The following CCDC192 variants were observed in gnomAD, a reference collection of about 807,000 sequenced individuals.
The protein encoded by CCDC192 is coiled-coil domain containing 192.
chr5:127,884,255 A>G (rs1438791854), intron 6 of CCDC192, among the ~76,000 whole-genome samples: 1 of 146,882 alleles, frequency 6.8e-6, no homozygotes, highest in Non-Finnish European at 1.5e-5. Flanking sequence ...AGGCAGAAGA[A>G]TGGCGTGAAC....
chr5:127,720,988 G>C (rs890292495), intron 2 of CCDC192, among the ~76,000 whole-genome samples: 2 of 152,218 alleles, frequency 1.3e-5, no homozygotes, highest in Non-Finnish European at 2.9e-5. Flanking sequence ...GGCCTATGAT[G>C]GGAGGGACTG....
intron 2 of CCDC192, among the ~76,000 whole-genome samples, chr5:127,721,494 C>G (rs1752018550): frequency 6.6e-6 from 1 of 152,186 alleles, no homozygotes. Flanking sequence ...CACAACCATT[C>G]AAGAAGTCTC....
intron 6 of CCDC192, among the ~76,000 whole-genome samples, chr5:127,936,004 T>C (rs924832611): frequency 1.3e-5 from 2 of 152,078 alleles, no homozygotes; most frequent in African/African-American, 4.8e-5. Context: ...CTCAAGAGGC[T>C]GAGGCAGGAG....
intron 5 of CCDC192, among the ~76,000 whole-genome samples, chr5:127,848,722 A>C (rs1750670770): frequency 6.6e-6 from 1 of 152,250 alleles, no homozygotes. Flanking sequence ...TAAAGTGCTT[A>C]GAATAGTATC....
chr5:127,833,179 C>T lies in CCDC192; in HGVS notation c.411+35017C>T, dbSNP rs1749880987. Among the ~76,000 whole-genome samples the T allele has an allele frequency of 2.0e-5, 3 of 152,118 alleles. No individual in the cohort carries two copies. In the South Asian group the frequency reaches 6.2e-4, roughly 32 times the overall value. The stretch of plus-strand genomic sequence containing the variant: ...CGCAGTCCTGCCTTGTTCTTTTTCA[C>T]TAATGGGTTGATAATAGATAATCAG... On this transcript the variant is annotated intron_variant, in intron 5 of 6. Coordinates refer to ENST00000514853, the MANE Select transcript of CCDC192 (RefSeq NM_001317938.2).
chr5:127,758,202 A>G (rs1272116329), intron 3 of CCDC192, among the ~76,000 whole-genome samples: 1 of 152,206 alleles, frequency 6.6e-6, no homozygotes, highest in African/African-American at 2.4e-5. Context: ...TGTTACCTGC[A>G]TTAATCATCT....
intron 2 of CCDC192, among the ~76,000 whole-genome samples, chr5:127,724,754 C>T (rs1752217224): frequency 6.7e-6 from 1 of 150,010 alleles, no homozygotes. Flanking sequence ...GAGGCTGAGA[C>T]AGCAGAATCG....
chr5:127,804,399 G>A (rs963937128), intron 5 of CCDC192, among the ~76,000 whole-genome samples: 6 of 152,152 alleles, frequency 3.9e-5, no homozygotes, highest in African/African-American at 1.4e-4. Context: ...TCTCTCTCCA[G>A]GGACTCAGCA....
At chr5:127,725,997 A>T (rs771851895) in intron 2 of CCDC192, among the ~76,000 whole-genome samples, 119 of 152,062 alleles carry the variant, frequency 7.8e-4, no homozygotes, top group Non-Finnish European at 1.3e-3. Context: ...TTTAAGTCAT[A>T]GTTGAAAATA....
chr5:127,843,873 G>C (rs1750412524), intron 5 of CCDC192, among the ~76,000 whole-genome samples: 1 of 152,166 alleles, frequency 6.6e-6, no homozygotes, highest in African/African-American at 2.4e-5. Flanking sequence ...CATTCTATGT[G>C]ATGTAAGAAG....
At chr5:127,815,435 T>G (rs771469115) in intron 5 of CCDC192, among the ~76,000 whole-genome samples, 1 of 152,090 alleles carries the variant, frequency 6.6e-6, no homozygotes, top group African/African-American at 2.4e-5. Flanking sequence ...TTGGGGATGA[T>G]AGGGGGTGGG....
intron 5 of CCDC192, among the ~76,000 whole-genome samples, chr5:127,814,657 A>G (rs892558331): frequency 6.6e-6 from 1 of 152,238 alleles, no homozygotes; most frequent in African/African-American, 2.4e-5. Flanking sequence ...GACTTCTCCA[A>G]AACTGTGTTG....
intron 3 of CCDC192, among the ~76,000 whole-genome samples, chr5:127,791,099 T>C (rs919516857): frequency 6.6e-6 from 1 of 152,166 alleles, no homozygotes; most frequent in Non-Finnish European, 1.5e-5. Context: ...CCCCTCCACC[T>C]GTGGTCCTAA....
At chr5:127,899,385 C>G (rs556092538) in intron 6 of CCDC192, among the ~76,000 whole-genome samples, 1 of 152,178 alleles carries the variant, frequency 6.6e-6, no homozygotes, top group African/African-American at 2.4e-5. Flanking sequence ...TCAGCCTGGA[C>G]AATGCACACA....
chr5:127,933,436 T>C (rs548589028), intron 6 of CCDC192, among the ~76,000 whole-genome samples: 24 of 152,308 alleles, frequency 1.6e-4, no homozygotes, highest in Admixed American at 2.6e-4. Context: ...GGAGTGAGTA[T>C]ATGCCTCAGA....
At chr5:127,782,590 T>C (rs1756294580) in intron 3 of CCDC192, among the ~76,000 whole-genome samples, 1 of 152,200 alleles carries the variant, frequency 6.6e-6, no homozygotes, top group Non-Finnish European at 1.5e-5. Flanking sequence ...CTAGGTTTTT[T>C]AGTCTGTATG....
chr5:127,782,264 G>A (rs565595380), intron 3 of CCDC192, among the ~76,000 whole-genome samples: 10 of 152,092 alleles, frequency 6.6e-5, no homozygotes, highest in Non-Finnish European at 1.2e-4. Flanking sequence ...CAGGGATATC[G>A]GTCTGTAGTT....
chr5:127,884,342 C>CAAAAAAAAAA (rs778430655), intron 6 of CCDC192, among the ~76,000 whole-genome samples: 11 of 11,850 alleles, frequency 9.3e-4, no homozygotes, highest in Non-Finnish European at 1.3e-3. Flanking sequence ...GACTCCGTCT[C>CAAAAAAAAAA]AAAAAAAAAA....
chr5:127,751,231 A>C (rs1232304857), intron 2 of CCDC192, among the ~76,000 whole-genome samples: 1 of 152,058 alleles, frequency 6.6e-6, no homozygotes, highest in Admixed American at 6.6e-5. Context: ...ACATCTTGGC[A>C]TGATTTTGCA....
Sources: gnomAD v4.1 joint callset for allele counts (sites outside exome capture counted in the v4.1 genomes callset) on GRCh38, gnomAD v4.1.1 for gene constraint, MANE v1.5 for transcripts, NCBI Gene and HGNC (gene_info 2026-07-23, HGNC 2026-07-21) for gene names.